The following CCDC122 variants were observed in gnomAD, a reference collection of about 807,000 sequenced individuals.
CCDC122 encodes coiled-coil domain containing 122.
In CCDC122, 38 loss-of-function variants were observed where a neutral mutation model predicts 37.0. That is an observed-to-expected ratio of 1.03 (90% confidence interval 0.79 to 1.35). The LOEUF (loss-of-function observed/expected upper bound fraction) is 1.35, where lower values mean the gene tolerates loss of function less well. Among genes scored for constraint, CCDC122 ranks in the 40% most tolerant of loss-of-function variants. CCDC122 has a pLI of 0.00. For missense variants in CCDC122, 305 were observed against 310.0 expected (o/e 0.98, Z 0.12); for synonymous variants, 83 against 95.6 (o/e 0.87, Z 0.77).
intron 6 of CCDC122, among the ~76,000 whole-genome samples, chr13:43,845,668 T>C (rs1953499116): frequency 6.6e-6 from 1 of 152,178 alleles, no homozygotes; most frequent in Admixed American, 6.5e-5. Context: ...GCTGAGATCT[T>C]GCCACTGCAC....
Position 43,838,437 on chromosome 13 carries a change from G to C in CCDC122, c.673-1008C>G, listed in dbSNP as rs540638122. Among the ~76,000 whole-genome samples the C allele has an allele frequency of 3.9e-5, 6 of 152,286 alleles. No homozygotes were observed. In the South Asian group the frequency reaches 1.2e-3, roughly 32 times the overall value. ...GGAAGGCAATGAAGCATAGTGGAAAGTGCTTCATTGGTCTTCGTGTCGGGC... is the reference window on the plus strand; with the variant it reads ...GGAAGGCAATGAAGCATAGTGGAAACTGCTTCATTGGTCTTCGTGTCGGGC... On this transcript the variant is annotated intron_variant, in intron 6 of 6. Coordinates refer to ENST00000444614, the MANE Select transcript of CCDC122 (RefSeq NM_144974.5).
chr13:43,853,586 A>G (rs1277555031), intron 6 of CCDC122, among the ~76,000 whole-genome samples: 3 of 152,218 alleles, frequency 2.0e-5, no homozygotes, highest in Admixed American at 2.0e-4. Flanking sequence ...GATCATCAAG[A>G]GAGAAAATTA....
intron 4 of CCDC122, among the ~76,000 whole-genome samples, chr13:43,865,637 G>T (rs1017135770): frequency 5.9e-5 from 9 of 152,076 alleles, no homozygotes; most frequent in African/African-American, 2.2e-4. Context: ...CAGCTGTTTT[G>T]TATTTTTAGT....
chr13:43,863,146 A>C (rs1300977746), intron 4 of CCDC122, among the ~76,000 whole-genome samples: 1 of 152,142 alleles, frequency 6.6e-6, no homozygotes, highest in Non-Finnish European at 1.5e-5. Flanking sequence ...TATTCAAAAA[A>C]GTTTTCTCCT....
chr13:43,846,370 G>A (rs942075412), intron 6 of CCDC122, among the ~76,000 whole-genome samples: 5 of 152,074 alleles, frequency 3.3e-5, no homozygotes, highest in Non-Finnish European at 5.9e-5. Flanking sequence ...CACTGCGCCC[G>A]GCCAATATAT....
downstream of CCDC122, among the ~76,000 whole-genome samples, chr13:43,834,702 T>C (rs1399509826): frequency 1.3e-5 from 2 of 152,078 alleles, no homozygotes. Context: ...AAAAGATACA[T>C]GAAAAAATGC....
chr13:43,824,182 T>C (rs1479657627), intron 3 of CCDC122, among the ~76,000 whole-genome samples: 1 of 152,210 alleles, frequency 6.6e-6, no homozygotes, highest in Non-Finnish European at 1.5e-5. Flanking sequence ...GTTGCATTAG[T>C]AGAAACCTGA....
At chr13:43,858,368 A>C (rs1953994912) in intron 6 of CCDC122, 1 of 152,278 alleles carries the variant, frequency 6.6e-6, no homozygotes, top group Non-Finnish European at 1.5e-5. Context: ...GATAATTGCG[A>C]ATATGAAGTC....
chr13:43,862,876 C>A lies in CCDC122; in HGVS notation c.157-2806G>T, dbSNP rs187561877. 2.0e-5 allele frequency among the ~76,000 whole-genome samples: 3 copies of A among 151,580 alleles called. No individual in the cohort carries two copies. The East Asian group carries it at 5.8e-4, about 29-fold the overall frequency. On this transcript the variant is annotated intron_variant, in intron 4 of 6. Transcript: ENST00000444614. ...TAATTTTTCTTATTGGCTTTAGTTT[C>A]TTTTGCCTTTAATCCATTTCTGCCC...
intron 6 of CCDC122, among the ~76,000 whole-genome samples, chr13:43,838,787 GA>G: frequency 6.6e-6 from 1 of 152,344 alleles, no homozygotes; most frequent in South Asian, 2.1e-4. Flanking sequence ...GAATGTGCAT[GA>G]GGTATGGAAG....
downstream of CCDC122, among the ~76,000 whole-genome samples, chr13:43,831,914 A>C (rs1291581757): frequency 1.3e-5 from 2 of 152,158 alleles, no homozygotes; most frequent in Non-Finnish European, 2.9e-5. Context: ...TAGAGCTCAC[A>C]GTCATTATTT....
intron 6 of CCDC122, among the ~76,000 whole-genome samples, chr13:43,857,568 C>G (rs1953959538): frequency 6.6e-6 from 1 of 151,736 alleles, no homozygotes; most frequent in South Asian, 2.1e-4. Flanking sequence ...TTGTTTTTAC[C>G]ACTCAAGGAT....
intron 6 of CCDC122, 104 bp downstream of exon 6, chr13:43,858,677 T>TCC (rs1954007475): frequency 7.5e-6 from 6 of 801,026 alleles, no homozygotes; most frequent in Non-Finnish European, 1.0e-5. Flanking sequence ...TTCTTGTTCT[T>TCC]CAACTGTTTT....
At chr13:43,877,056 G>A (rs377220817) in intron 1 of CCDC122, among the ~76,000 whole-genome samples, 5 of 152,114 alleles carry the variant, frequency 3.3e-5, no homozygotes, top group South Asian at 2.1e-4. Context: ...GCAGTGAGCC[G>A]AGATCGCACC....
rs905368662 is a variant in CCDC122 at position 43,858,672 on chromosome 13, GTTC to G, written c.672+106_672+108del. On this transcript the variant is annotated intron_variant, in intron 6 of 6. Transcript: ENST00000444614. ...TTACTAAATTTTATAGTTCTTTCTT[GTTC>G]TTCAACTGTTTTGAGTATTGAGAGT... The G allele has an allele frequency of 6.9e-5, 52 of 757,840 alleles. No homozygotes were observed. In the African/African-American group the frequency reaches 9.4e-4, roughly 14 times the overall value. 46.9% of individuals were successfully genotyped at this position (757,840 alleles called of 1,614,324 possible).
chr13:43,840,800 G>T (rs9525853), intron 6 of CCDC122, among the ~76,000 whole-genome samples: 11,575 of 137,956 alleles, frequency 0.084, 683 homozygotes, highest in African/African-American at 0.14. Flanking sequence ...ACATTTGGGT[G>T]GGTTCCAAGT....
rs77189267 is a variant in CCDC122 at position 43,850,363 on chromosome 13, G to A, written c.672+8418C>T. Among the ~76,000 whole-genome samples the A allele has an allele frequency of 9.9e-3, 1,509 of 152,188 alleles. 7 individuals carry two copies. The highest frequency in any genetic ancestry group is 0.024 in the Middle Eastern group (7 of 294). ...TGCACCACACGAACATAACACAGAA[G>A]TTAAAATTATCTGACAAGCATTTTA... On this transcript the variant is annotated intron_variant, in intron 6 of 6. Coordinates refer to ENST00000444614, the MANE Select transcript of CCDC122 (RefSeq NM_144974.5).
intron 6 of CCDC122, among the ~76,000 whole-genome samples, chr13:43,837,667 G>C (rs1426531545): frequency 6.7e-6 from 1 of 148,456 alleles, no homozygotes. Context: ...CTTATGATAT[G>C]GGTATTATTA....
intron 6 of CCDC122, among the ~76,000 whole-genome samples, chr13:43,838,379 C>A (rs1953231293): frequency 1.1e-4 from 17 of 151,988 alleles, no homozygotes; most frequent in Admixed American, 9.8e-4. Flanking sequence ...TTAAATAAAC[C>A]ATCATTTATG....
Sources: allele counts gnomAD v4.1 joint callset (sites outside exome capture counted in the v4.1 genomes callset), GRCh38; gene constraint gnomAD v4.1.1; transcripts MANE v1.5; gene names NCBI Gene and HGNC (gene_info 2026-07-23, HGNC 2026-07-21).